Variants in MYO16 observed in about 807,000 individuals in gnomAD.
The protein encoded by MYO16 is unconventional myosin-XVI.
MYO16 carries 94 observed loss-of-function variants against 205.3 expected under a neutral mutation model. The ratio of observed to expected loss-of-function variants is 0.46; its 90% confidence interval spans 0.39 to 0.54. The LOEUF (loss-of-function observed/expected upper bound fraction) is 0.54. MYO16 is among the 20% of genes least tolerant of loss of function. MYO16 has a pLI of 0.00. For synonymous variants in MYO16, 988 were observed against 954.0 expected, an observed-to-expected ratio of 1.04 and a Z score of -0.66; for missense variants, 2,315 against 2,387.5, an observed-to-expected ratio of 0.97 and a Z score of 0.63.
At chr13:108,666,202 T>A in intron 2 of MYO16, 53 bp downstream of exon 2, 1 of 1,512,786 alleles carries the variant, frequency 6.6e-7, no homozygotes, top group Non-Finnish European at 8.9e-7. Flanking sequence ...TCATGATTGA[T>A]TTTTGTTGGT....
At chr13:108,767,507 T>C (rs1885820768) in intron 4 of MYO16, among the ~76,000 whole-genome samples, 1 of 152,184 alleles carries the variant, frequency 6.6e-6, no homozygotes, top group African/African-American at 2.4e-5. Flanking sequence ...GGCATTTTGT[T>C]ATTTGTTCTG....
intron 10 of MYO16, among the ~76,000 whole-genome samples, chr13:108,851,724 TG>T (rs1877878552): frequency 6.6e-6 from 1 of 152,126 alleles, no homozygotes; most frequent in African/African-American, 2.4e-5. Context: ...ACCTCTTCCT[TG>T]GGCCACCTTT....
intron 21 of MYO16, among the ~76,000 whole-genome samples, chr13:109,003,756 T>C (rs1885299265): frequency 6.6e-6 from 1 of 152,204 alleles, no homozygotes; most frequent in African/African-American, 2.4e-5. Flanking sequence ...TTTTCTATTA[T>C]CAGAAGCCTC....
chr13:109,167,845 A>C (rs1180430912), intron 33 of MYO16, among the ~76,000 whole-genome samples: 1 of 152,212 alleles, frequency 6.6e-6, no homozygotes, highest in South Asian at 2.1e-4. Flanking sequence ...CCCCCCAAAA[A>C]TTCCTGTAAT....
At chr13:108,660,731 T>C (rs144464170) in intron 1 of MYO16, among the ~76,000 whole-genome samples, 8 of 152,336 alleles carry the variant, frequency 5.3e-5, no homozygotes, top group Non-Finnish European at 1.0e-4. Flanking sequence ...CTACATTCTG[T>C]AGTTCTGTGT....
chr13:108,738,657 T>C (rs1884790830), intron 4 of MYO16, among the ~76,000 whole-genome samples: 1 of 152,202 alleles, frequency 6.6e-6, no homozygotes, highest in African/African-American at 2.4e-5. Context: ...TTAGGTCCAC[T>C]TGGTGCAGAG....
chr13:108,618,767 C>T (rs764993755), intron 1 of MYO16, among the ~76,000 whole-genome samples: 1 of 152,128 alleles, frequency 6.6e-6, no homozygotes, highest in Non-Finnish European at 1.5e-5. Flanking sequence ...CCTTAGAAAT[C>T]CTTTTCTCAC....
intron 16 of MYO16, among the ~76,000 whole-genome samples, chr13:108,957,394 AAAAAAAAC>A (rs1364330144): frequency 1.3e-5 from 2 of 151,406 alleles, no homozygotes; most frequent in Non-Finnish European, 2.9e-5. Context: ...AAAAAAAAAA[AAAAAAAAC>A]AAAAACATGA....
chr13:109,149,853 T>C (rs1361172486), intron 32 of MYO16, among the ~76,000 whole-genome samples: 1 of 152,330 alleles, frequency 6.6e-6, no homozygotes, highest in East Asian at 1.9e-4. Flanking sequence ...AACTCGTGTC[T>C]CCTCACTTTC....
chr13:108,917,528 T>G (rs1330310931), intron 16 of MYO16, among the ~76,000 whole-genome samples: 1 of 152,240 alleles, frequency 6.6e-6, no homozygotes, highest in Admixed American at 6.5e-5. Flanking sequence ...CTTATCACCT[T>G]GATTTCCAGC....
chr13:109,085,422 CCAGGTCTG>C (rs1185899642), intron 27 of MYO16, among the ~76,000 whole-genome samples: 1 of 151,974 alleles, frequency 6.6e-6, no homozygotes, highest in Non-Finnish European at 1.5e-5. Flanking sequence ...TTGACAGAGC[CCAGGTCTG>C]CAGGTAGGGA....
At chr13:108,936,257 C>G (rs374238165) in intron 16 of MYO16, among the ~76,000 whole-genome samples, 4 of 151,862 alleles carry the variant, frequency 2.6e-5, no homozygotes, top group East Asian at 1.9e-4. Context: ...GAAAGAAGTC[C>G]TTCCTCACCA....
At chr13:108,744,327 T>A (rs962416568) in intron 4 of MYO16, among the ~76,000 whole-genome samples, 4 of 152,234 alleles carry the variant, frequency 2.6e-5, no homozygotes, top group Non-Finnish European at 4.4e-5. Context: ...TAAATTCTAC[T>A]CATAGTCACC....
intron 33 of MYO16, among the ~76,000 whole-genome samples, chr13:109,169,086 G>A (rs1433304440): frequency 2.6e-5 from 4 of 152,064 alleles, no homozygotes; most frequent in Non-Finnish European, 5.9e-5. Flanking sequence ...AAGTGTACAC[G>A]TTATTTAGCT....
the MYO16 span, among the ~76,000 whole-genome samples, chr13:108,572,870 C>A: frequency 6.6e-6 from 1 of 152,168 alleles, no homozygotes; most frequent in Non-Finnish European, 1.5e-5. Flanking sequence ...ACACAAGAAT[C>A]TTCTGTCCAA....
intron 24 of MYO16, among the ~76,000 whole-genome samples, chr13:109,047,578 A>G (rs1887089056): frequency 6.6e-6 from 1 of 152,168 alleles, no homozygotes; most frequent in South Asian, 2.1e-4. Flanking sequence ...AAATGTATAT[A>G]TGTGATAATT....
intron 23 of MYO16, among the ~76,000 whole-genome samples, chr13:109,024,374 A>C (rs1886292463): frequency 6.6e-6 from 1 of 152,174 alleles, no homozygotes; most frequent in African/African-American, 2.4e-5. Flanking sequence ...GTCTGTTTGT[A>C]CTGTGTATTG....
At chr13:109,073,891 C>T (rs1265356158) in intron 27 of MYO16, among the ~76,000 whole-genome samples, 6 of 152,178 alleles carry the variant, frequency 3.9e-5, no homozygotes, top group Non-Finnish European at 8.8e-5. Flanking sequence ...TGGTGAGCTA[C>T]GCTGTGATTC....
chr13:109,161,861 A>G (rs1461325149), intron 32 of MYO16, among the ~76,000 whole-genome samples: 1 of 152,174 alleles, frequency 6.6e-6, no homozygotes, highest in Non-Finnish European at 1.5e-5. Flanking sequence ...ATGGGAGGCC[A>G]AGGAAGGCAG....
Sources: gnomAD v4.1 joint callset for allele counts (sites outside exome capture counted in the v4.1 genomes callset) on GRCh38, gnomAD v4.1.1 for gene constraint, MANE v1.5 for transcripts, NCBI Gene and HGNC (gene_info 2026-07-23, HGNC 2026-07-21) for gene names.